Variants in ST18 observed in about 807,000 individuals in gnomAD.
The protein encoded by ST18 is suppression of tumorigenicity 18 protein.
In ST18, 50 loss-of-function variants were observed where a neutral mutation model predicts 110.0. The ratio of observed to expected loss-of-function variants is 0.45; its 90% CI spans 0.36 to 0.58. The LOEUF is 0.58. Among genes scored for constraint, ST18 ranks in the 20% least tolerant of loss-of-function variants. The pLI is 0.00. For missense variants in ST18, 1,306 were observed against 1,280.1 expected (o/e 1.02, Z -0.31); for synonymous variants, 461 against 452.4 (o/e 1.02, Z -0.24).
intron 16 of ST18, among the ~76,000 whole-genome samples, chr8:52,148,331 C>T (rs1483703581): frequency 6.6e-6 from 1 of 152,126 alleles, no homozygotes; most frequent in Non-Finnish European, 1.5e-5. Flanking sequence ...AGAATCTAAT[C>T]AAAAGCTGCA....
At chr8:52,128,073 A>T (rs1057240672) in intron 22 of ST18, among the ~76,000 whole-genome samples, 1 of 152,110 alleles carries the variant, frequency 6.6e-6, no homozygotes, top group African/African-American at 2.4e-5. Context: ...GGCTCAAGAA[A>T]TTCTCCTGCC....
chr8:52,218,116 A>G (rs1008272555), intron 5 of ST18, among the ~76,000 whole-genome samples: 1 of 152,200 alleles, frequency 6.6e-6, no homozygotes, highest in Non-Finnish European at 1.5e-5. Context: ...AAATTTAATT[A>G]CTTATTAAAA....
intron 2 of ST18, among the ~76,000 whole-genome samples, chr8:52,392,305 AGTG>A (rs940873138): frequency 1.3e-5 from 2 of 151,332 alleles, no homozygotes; most frequent in Admixed American, 6.6e-5. Context: ...GTAAGTGGGG[AGTG>A]GTGGTGGTGG....
At chr8:52,252,722 C>G (rs1183839127) in intron 2 of ST18, among the ~76,000 whole-genome samples, 1 of 151,848 alleles carries the variant, frequency 6.6e-6, no homozygotes, top group African/African-American at 2.4e-5. Flanking sequence ...GTGATTTCCG[C>G]TAATTTGGCA....
At chr8:52,348,034 T>C (rs745890688) in intron 2 of ST18, among the ~76,000 whole-genome samples, 2 of 152,118 alleles carry the variant, frequency 1.3e-5, no homozygotes, top group Non-Finnish European at 2.9e-5. Flanking sequence ...CAAACTATGG[T>C]CCATGAGCCA....
intron 8 of ST18, 53 bp downstream of exon 8, chr8:52,212,026 G>A: frequency 6.5e-6 from 10 of 1,550,120 alleles, no homozygotes; most frequent in East Asian, 2.3e-5. Context: ...CAAATCATTC[G>A]AATAATCAAG....
chr8:52,209,322 A>G (rs2081276274), intron 8 of ST18, among the ~76,000 whole-genome samples: 1 of 152,230 alleles, frequency 6.6e-6, no homozygotes, highest in African/African-American at 2.4e-5. Context: ...CCAGCTGTGT[A>G]GCCTTGGGCT....
At chr8:52,174,594 G>A (rs560434567) in intron 9 of ST18, among the ~76,000 whole-genome samples, 40 of 152,170 alleles carry the variant, frequency 2.6e-4, no homozygotes, top group African/African-American at 9.4e-4. Context: ...AGAGAGGCGG[G>A]AGTGACAAAA....
intron 2 of ST18, among the ~76,000 whole-genome samples, chr8:52,295,037 T>G (rs2095610924): frequency 6.6e-6 from 1 of 152,284 alleles, no homozygotes; most frequent in Non-Finnish European, 1.5e-5. Context: ...GGAGTCATTT[T>G]CAGACAAGAT....
At chr8:52,357,940 C>T (rs1474782743) in intron 2 of ST18, among the ~76,000 whole-genome samples, 2 of 150,662 alleles carry the variant, frequency 1.3e-5, no homozygotes, top group African/African-American at 2.4e-5. Context: ...CTAACATAGA[C>T]CATATGTTGA....
intron 16 of ST18, among the ~76,000 whole-genome samples, chr8:52,146,198 A>G (rs1468320843): frequency 2.0e-5 from 3 of 152,114 alleles, no homozygotes; most frequent in Non-Finnish European, 4.4e-5. Flanking sequence ...GCACATAGCT[A>G]TTCCAGGGAA....
chr8:52,149,953 T>A lies in ST18; in HGVS notation c.1831A>T (p.Asn611Tyr), dbSNP rs1302599768. ...TTCATGCTTAAGTCCAATGTGCCAT[T>A]TTCATCCACTTCTATTTCGGCTCCC... is the stretch of plus-strand genomic sequence containing the variant. ...AKGAEIEVDE[N>Y]GTLDLSMKKN... is the part of the protein sequence containing the mutation. Residue 611 changes from asparagine to tyrosine, a missense_variant, in exon 16 of 26, where the codon AAT becomes TAT. Physicochemically the swap from Asn to Tyr is moderately radical, Grantham distance 143. Transcript: ENST00000689386. 4 of 1,614,068 alleles carry A rather than the reference T, an allele frequency of 2.5e-6. 1 individual carries two copies. In the Admixed American group the frequency reaches 6.7e-5, roughly 27 times the overall value.
chr8:52,203,196 G>C (rs2078615371), intron 8 of ST18, among the ~76,000 whole-genome samples: 2 of 152,070 alleles, frequency 1.3e-5, no homozygotes, highest in Non-Finnish European at 2.9e-5. Flanking sequence ...GGGGGTAGGG[G>C]GAACCATGAC....
intron 2 of ST18, among the ~76,000 whole-genome samples, chr8:52,347,026 T>C (rs1385317996): frequency 1.3e-5 from 2 of 152,020 alleles, no homozygotes; most frequent in Admixed American, 1.3e-4. Context: ...AAGAAAAGAG[T>C]TCATTTGACC....
At chr8:52,399,075 T>TTTGG (rs1842086851) in intron 2 of ST18, among the ~76,000 whole-genome samples, 1 of 152,082 alleles carries the variant, frequency 6.6e-6, no homozygotes, top group Admixed American at 6.5e-5. Context: ...CCTGGGCTTT[T>TTTGG]TTGGTTGGAA....
At chr8:52,118,842 C>T (rs1228823274) in intron 23 of ST18, among the ~76,000 whole-genome samples, 2 of 152,110 alleles carry the variant, frequency 1.3e-5, no homozygotes, top group Non-Finnish European at 1.5e-5. Flanking sequence ...ATAACCTGCC[C>T]AAGTTCAAAT....
intron 2 of ST18, among the ~76,000 whole-genome samples, chr8:52,378,756 A>G (rs560487452): frequency 9.1e-4 from 138 of 152,350 alleles, no homozygotes; most frequent in African/African-American, 2.9e-3. Flanking sequence ...TAGAGATAAT[A>G]AAGACTGAGT....
At chr8:52,117,901 G>C (rs1438379502) in intron 24 of ST18, among the ~76,000 whole-genome samples, 1 of 152,156 alleles carries the variant, frequency 6.6e-6, no homozygotes, top group Non-Finnish European at 1.5e-5. Flanking sequence ...TAAAGAATTT[G>C]CTCAAGAAAA....
chr8:52,361,080 T>C (rs1407923603), intron 2 of ST18, among the ~76,000 whole-genome samples: 2 of 152,214 alleles, frequency 1.3e-5, no homozygotes. Context: ...TATAAGCTTG[T>C]GATGTATTTT....
Sources: gnomAD v4.1 joint callset for allele counts (sites outside exome capture counted in the v4.1 genomes callset) on GRCh38, gnomAD v4.1.1 for gene constraint, MANE v1.5 for transcripts, NCBI Gene and HGNC (gene_info 2026-07-23, HGNC 2026-07-21) for gene names.